Variants in MMP26 observed in about 807,000 individuals in gnomAD.
The protein encoded by MMP26 is matrix metallopeptidase 26.
A neutral mutation model predicts 31.0 loss-of-function variants in MMP26; 33 were observed. The observed-to-expected ratio is 1.06, with a 90% CI of 0.81 to 1.42. The LOEUF (loss-of-function observed/expected upper bound fraction) is 1.42. Ranked by LOEUF, MMP26 falls within the 40% of genes most tolerant of loss-of-function variation. The probability of loss-of-function intolerance (pLI) is 0.00; values close to 1 mark genes in which losing one functional copy is unlikely to be tolerated. For missense variants in MMP26, 347 were observed against 316.1 expected, an observed-to-expected ratio of 1.10 and a Z score of -0.74; for synonymous variants, 122 against 114.9, an observed-to-expected ratio of 1.06 and a Z score of -0.40.
Position 4,992,398 on chromosome 11 carries a change from T to G in MMP26, c.*156T>G. 3.1e-6 allele frequency: 2 copies of G among 651,316 alleles called. No homozygotes were observed. Among genetic ancestry groups the G allele is most frequent in the Non-Finnish European group, 5.4e-6 (2 of 370,424 alleles). The allele number at this position is 651,316 out of a possible 1,614,324, so 40.3% of individuals were successfully genotyped here. A position where few individuals can be genotyped will look rare whatever the true frequency, so the allele number is the denominator to read the frequency against. On this transcript the variant is annotated 3_prime_UTR_variant, in exon 8 of 8. Transcript: ENST00000380390. ...GCTGAACCGACACTCAAAACGCTACTGAGTCACAATAAAGATTGTTTTAAA... is the reference window on the plus strand; with the variant it reads ...GCTGAACCGACACTCAAAACGCTACGGAGTCACAATAAAGATTGTTTTAAA...
chr11:4,881,309 C>A (rs1050786434), intron 2 of MMP26, among the ~76,000 whole-genome samples: 55 of 152,260 alleles, frequency 3.6e-4, no homozygotes, highest in African/African-American at 1.3e-3. Flanking sequence ...AGATATCATT[C>A]CAAGAACAGA....
intron 1 of MMP26, among the ~76,000 whole-genome samples, chr11:4,727,504 C>T (rs1033778679): frequency 1.3e-5 from 2 of 151,956 alleles, no homozygotes; most frequent in African/African-American, 4.8e-5. Context: ...AGGTACATGA[C>T]AATCCTAATA....
At chr11:4,922,170 T>C (rs1479232042) in intron 2 of MMP26, among the ~76,000 whole-genome samples, 3 of 151,786 alleles carry the variant, frequency 2.0e-5, no homozygotes, top group East Asian at 1.9e-4. Context: ...ATCAACTTAA[T>C]TGATAATTTT....
chr11:4,882,721 C>T, intron 2 of MMP26: 2 of 1,613,962 alleles, frequency 1.2e-6, no homozygotes, highest in Non-Finnish European at 1.7e-6. Context: ...CAAGGGTGCT[C>T]TGTAGCACTT....
At chr11:4,813,510 A>G (rs947836728) in intron 2 of MMP26, among the ~76,000 whole-genome samples, 8 of 152,142 alleles carry the variant, frequency 5.3e-5, no homozygotes, top group Non-Finnish European at 1.0e-4. Context: ...TACAGGCAGG[A>G]GCCACCACAC....
chr11:4,840,958 G>C (rs1849785281), intron 2 of MMP26, among the ~76,000 whole-genome samples: 1 of 152,106 alleles, frequency 6.6e-6, no homozygotes, highest in African/African-American at 2.4e-5. Context: ...AATTAACAGT[G>C]ATATTGACAT....
rs529914466 is a variant in MMP26, at chr11:4,921,965, A to T, written c.-144-66103A>T. On this transcript the variant is annotated intron_variant, in intron 2 of 7. Transcript: ENST00000380390. ...CCATCACCTGAGTAATGTGTATTGT[A>T]CCCATTAGGTAATTTCTCATGCCTT... is the stretch of plus-strand genomic sequence containing the variant. 1.4e-4 allele frequency among the ~76,000 whole-genome samples: 22 copies of T among 152,284 alleles called. No individual in the cohort carries two copies. In the East Asian group the frequency reaches 4.3e-3, roughly 29 times the overall value.
chr11:4,915,550 GA>G lies in MMP26; in HGVS notation c.-144-72516del, dbSNP rs776529173. ...TGCCCGGGATGGAAACCAGATACAT[GA>G]AGCACAGTGGGATGGAGATCCAGAT... On this transcript the variant is annotated intron_variant, in intron 2 of 7. Coordinates refer to ENST00000380390, the MANE Select transcript of MMP26 (RefSeq NM_021801.5). 1.9e-6 allele frequency: 3 copies of G among 1,614,076 alleles called. 1 individual carries two copies. The South Asian group carries it at 3.3e-5, about 18-fold the overall frequency.
At chr11:4,734,933 T>C (rs10219292) in intron 1 of MMP26, among the ~76,000 whole-genome samples, 42,708 of 149,590 alleles carry the variant, frequency 0.29, 6,387 homozygotes, top group South Asian at 0.36. Context: ...CTGACAGCTA[T>C]GCCTGGCATA....
chr11:4,780,920 T>A (rs930715258), intron 2 of MMP26, among the ~76,000 whole-genome samples: 1 of 151,880 alleles, frequency 6.6e-6, no homozygotes, highest in Non-Finnish European at 1.5e-5. Flanking sequence ...AATTTACATA[T>A]TTAATTACAT....
chr11:4,840,801 C>T (rs1849782939), intron 2 of MMP26, among the ~76,000 whole-genome samples: 1 of 152,096 alleles, frequency 6.6e-6, no homozygotes, highest in Non-Finnish European at 1.5e-5. Context: ...CATGACCTCA[C>T]CAAATAAACT....
chr11:4,917,794 G>T (rs768305339), intron 2 of MMP26, among the ~76,000 whole-genome samples: 18 of 151,872 alleles, frequency 1.2e-4, no homozygotes, highest in Non-Finnish European at 2.2e-4. Context: ...GTCTCTAATT[G>T]TTCAGTGTTT....
intron 2 of MMP26, among the ~76,000 whole-genome samples, chr11:4,976,045 C>A (rs1846732529): frequency 6.6e-6 from 1 of 152,022 alleles, no homozygotes; most frequent in Non-Finnish European, 1.5e-5. Context: ...AATGCTATGG[C>A]TTTCTGGAAG....
At chr11:4,722,602 G>T in intron 1 of MMP26, 2 of 555,188 alleles carry the variant, frequency 3.6e-6, no homozygotes, top group Admixed American at 3.2e-5. Context: ...AAACTCCCCC[G>T]TGGGTGGGCT....
chr11:4,723,435 G>T, intron 1 of MMP26: 1 of 1,022,556 alleles, frequency 9.8e-7, no homozygotes, highest in Admixed American at 1.7e-5. Flanking sequence ...GGGAGCGGCT[G>T]CTGTCCATGG....
At chr11:4,853,660 T>C (rs184230222) in intron 2 of MMP26, among the ~76,000 whole-genome samples, 143 of 152,278 alleles carry the variant, frequency 9.4e-4, no homozygotes, top group Non-Finnish European at 1.5e-3. Context: ...AAACTCTTCC[T>C]ACTAAAAAAT....
intron 2 of MMP26, among the ~76,000 whole-genome samples, chr11:4,974,931 AC>A (rs1273309120): frequency 6.6e-6 from 1 of 151,968 alleles, no homozygotes; most frequent in Non-Finnish European, 1.5e-5. Flanking sequence ...AGGGAGAGGA[AC>A]AACACACACT....
At chr11:4,808,088 A>G (rs1253789156) in intron 2 of MMP26, among the ~76,000 whole-genome samples, 1 of 152,156 alleles carries the variant, frequency 6.6e-6, no homozygotes, top group Admixed American at 6.5e-5. Context: ...TTAAAGACAT[A>G]TGCCACTATG....
chr11:4,715,340 T>TAAAA lies in MMP26; in HGVS notation c.-217+10306_-217+10309dup, dbSNP rs58818646. Among the ~76,000 whole-genome samples, 288 of 144,894 alleles carry TAAAA rather than the reference T, an allele frequency of 2.0e-3. 4 individuals are homozygous for TAAAA. Among genetic ancestry groups the TAAAA allele is most frequent in the South Asian group, 7.4e-3 (34 of 4,590 alleles). On this transcript the variant is annotated intron_variant, in intron 1 of 7. Coordinates refer to ENST00000380390, the MANE Select transcript of MMP26 (RefSeq NM_021801.5). Reference sequence around the variant, plus strand: ...TATCAAATAAAGTCTTTTTTTCCTGTAAAAAAAAAAAAAAGAATATAACTC... The same window carrying TAAAA: ...TATCAAATAAAGTCTTTTTTTCCTGTAAAAAAAAAAAAAAAAAAGAATATAACTC...
Sources: allele counts gnomAD v4.1 joint callset (sites outside exome capture counted in the v4.1 genomes callset), GRCh38; gene constraint gnomAD v4.1.1; transcripts MANE v1.5; gene names NCBI Gene and HGNC (gene_info 2026-07-23, HGNC 2026-07-21).